The following HERC6 variants were observed in gnomAD, a reference collection of about 807,000 sequenced individuals.
HERC6 encodes the protein probable E3 ubiquitin-protein ligase HERC6.
Under a neutral mutation model 114.5 loss-of-function variants are expected in HERC6, and 101 were observed. The observed-to-expected ratio is 0.88, with a 90% confidence interval of 0.75 to 1.04. The LOEUF (loss-of-function observed/expected upper bound fraction) is 1.04. Among genes scored for constraint, HERC6 ranks in the 50% least tolerant of loss-of-function variants. The probability of loss-of-function intolerance (pLI) is 0.00; values close to 1 mark genes in which losing one functional copy is unlikely to be tolerated. For synonymous variants in HERC6, 408 were observed against 436.2 expected (o/e 0.94, Z 0.81); for missense variants, 1,133 against 1,230.9 (o/e 0.92, Z 1.19).
At chr4:88,386,912 C>G (rs762689592) in intron 3 of HERC6, among the ~76,000 whole-genome samples, 5 of 152,148 alleles carry the variant, frequency 3.3e-5, no homozygotes, top group African/African-American at 4.8e-5. Context: ...GCCAAAGTAG[C>G]ATATTTTGGT....
intron 8 of HERC6, among the ~76,000 whole-genome samples, chr4:88,403,780 A>T (rs916616406): frequency 7.9e-5 from 12 of 151,840 alleles, no homozygotes; most frequent in South Asian, 4.2e-4. Flanking sequence ...AAATAAAAAT[A>T]AAAAAAATTT....
intron 2 of HERC6, among the ~76,000 whole-genome samples, chr4:88,385,175 C>T (rs377462775): frequency 2.0e-5 from 3 of 152,120 alleles, no homozygotes; most frequent in Non-Finnish European, 4.4e-5. Context: ...AGGCCCTATA[C>T]TATATATGCA....
rs367842543 is a variant in HERC6, at chr4:88,396,045, C to T, written c.790C>T (p.Arg264Cys). 5.8e-5 allele frequency: 93 copies of T among 1,603,344 alleles called. 1 individual carries two copies. The South Asian group carries it at 5.8e-4, about 10-fold the overall frequency. ...DGKVFTFGDN[R>C]SGQLGYSPTP... ...GAAAGTGTTCACATTTGGAGACAAT[C>T]GCTCTGGACAGCTGGGATACAGCCC... The change falls in exon 6 of 23, where the codon CGC becomes TGC. Residue 264 changes from arginine (R) to cysteine (C), a missense_variant. Arg to Cys is a radical substitution (Grantham distance 180, BLOSUM62 -3). Around this residue, in one of 3 missense-constraint regions of HERC6, gnomAD observed 735 missense variants for 754.0 expected, o/e 0.97. Transcript: ENST00000264346.
chr4:88,401,906 G>C lies in HERC6; in HGVS notation c.1093-2970G>C, dbSNP rs116245992. ...CTGCACAGTTGTGCAGCTTTCTCCCGTGATGTTAGGCTGCTTCAGTTGGAT... is the reference window on the plus strand; with the variant it reads ...CTGCACAGTTGTGCAGCTTTCTCCCCTGATGTTAGGCTGCTTCAGTTGGAT... On this transcript the variant is annotated intron_variant, in intron 8 of 22. Coordinates refer to ENST00000264346, the MANE Select transcript of HERC6 (RefSeq NM_017912.4). Among the ~76,000 whole-genome samples the C allele has an allele frequency of 7.2e-5, 11 of 152,328 alleles. 1 individual carries two copies. Among genetic ancestry groups the C allele is most frequent in the African/African-American group, 2.6e-4 (11 of 41,570 alleles).
At chr4:88,417,690 G>A in intron 13 of HERC6, 111 bp downstream of exon 13, 2 of 849,644 alleles carry the variant, frequency 2.4e-6, no homozygotes, top group South Asian at 4.2e-5. Flanking sequence ...GGAGTCAAAT[G>A]TTTTTTAAAG....
At chr4:88,441,997 A>G (rs1739398750) in intron 22 of HERC6, among the ~76,000 whole-genome samples, 1 of 152,036 alleles carries the variant, frequency 6.6e-6, no homozygotes, top group Non-Finnish European at 1.5e-5. Context: ...GAGCTAAATA[A>G]ACTTCCTTCT....
chr4:88,440,113 C>T (rs756968782), intron 21 of HERC6, 35 bp from the exon 22 acceptor site: 1 of 1,600,882 alleles, frequency 6.2e-7, no homozygotes, highest in East Asian at 2.2e-5. Flanking sequence ...ATATTCCACC[C>T]CACTCAAATC....
chr4:88,380,374 TATATATATATAATATATAA>T lies in HERC6; in HGVS notation c.199+1266_199+1284del, dbSNP rs1422501070. Among the ~76,000 whole-genome samples the T allele has an allele frequency of 3.7e-4, 7 of 18,992 alleles. 1 individual carries two copies. The highest frequency in any genetic ancestry group is 1.3e-3 in the African/African-American group (3 of 2,230). The allele number at this position is 18,992 out of a possible 152,430, so 12.5% of individuals were successfully genotyped here. A position where few individuals can be genotyped will look rare whatever the true frequency, so the allele number is the denominator to read the frequency against. On this transcript the variant is annotated intron_variant, in intron 1 of 22. Coordinates refer to ENST00000264346, the MANE Select transcript of HERC6 (RefSeq NM_017912.4). ...TATAAATATATATATAATATATAAA[TATATATATATAATATATAA>T]ATATATATATATAATATATAAATAT... is the stretch of plus-strand genomic sequence containing the variant.
intron 13 of HERC6, among the ~76,000 whole-genome samples, chr4:88,420,111 T>G (rs371388013): frequency 5.3e-5 from 8 of 152,232 alleles, no homozygotes; most frequent in African/African-American, 1.9e-4. Context: ...TTTCTCACAC[T>G]AACTTTCGTT....
chr4:88,403,162 A>G (rs1735634371), intron 8 of HERC6, among the ~76,000 whole-genome samples: 1 of 152,184 alleles, frequency 6.6e-6, no homozygotes, highest in East Asian at 1.9e-4. Context: ...ATATAGAGCA[A>G]TGGTTCTCAA....
intron 8 of HERC6, 113 bp from the exon 9 acceptor site, chr4:88,404,763 T>C (rs923408861): frequency 1.3e-5 from 17 of 1,347,874 alleles, no homozygotes; most frequent in Admixed American, 8.0e-5. Context: ...CACCAAATGC[T>C]ACCACCCAAG....
At chr4:88,389,132 G>T (rs1193955432) in intron 3 of HERC6, among the ~76,000 whole-genome samples, 1 of 152,086 alleles carries the variant, frequency 6.6e-6, no homozygotes, top group Non-Finnish European at 1.5e-5. Flanking sequence ...AACCATGAAA[G>T]AATTACCCAG....
At position 88,390,733 on chromosome 4, in the gene HERC6, A is replaced by G; in HGVS notation, c.518A>G (p.Gln173Arg). Residue 173 changes from glutamine to arginine, a missense_variant, in exon 4 of 23, where the codon CAG (glutamine) becomes CGG (arginine). By Grantham distance (43) the Gln-to-Arg change is conservative. Around this residue, in one of 3 missense-constraint regions of HERC6, gnomAD observed 735 missense variants for 754.0 expected, o/e 0.97. Transcript: ENST00000264346. ...GKEFPSQASP[Q>R]RVRSLEGIPL... Reference sequence around the variant, plus strand: ...GAGTTCCCCTCCCAAGCCAGCCCGCAGAGGGTGAGGTCCCTGGAGGGGATC... The same window carrying G: ...GAGTTCCCCTCCCAAGCCAGCCCGCGGAGGGTGAGGTCCCTGGAGGGGATC... 1 of 1,614,152 alleles carries G rather than the reference A, an allele frequency of 6.2e-7. No individual in the cohort carries two copies. Among genetic ancestry groups the G allele is most frequent in the Non-Finnish European group, 8.5e-7 (1 of 1,180,012 alleles).
At chr4:88,401,615 T>C (rs951022678) in intron 8 of HERC6, among the ~76,000 whole-genome samples, 5 of 152,204 alleles carry the variant, frequency 3.3e-5, no homozygotes, top group Non-Finnish European at 5.9e-5. Context: ...GATGTGTTTA[T>C]TCTGCTGTAA....
rs1734534555 is a variant in HERC6, at chr4:88,385,655, A to G, written c.436+80A>G. The G allele has an allele frequency of 8.9e-6, 6 of 675,932 alleles. No individual in the cohort carries two copies. The South Asian group carries it at 1.2e-4, about 13-fold the overall frequency. The allele number at this position is 675,932 out of a possible 1,614,324, so 41.9% of individuals were successfully genotyped here. A position where few individuals can be genotyped will look rare whatever the true frequency, so the allele number is the denominator to read the frequency against. On this transcript the variant is annotated intron_variant, in intron 3 of 22. Transcript: ENST00000264346. ...AATTATAGCTGCTGATTTTTAATGCACTGGGGTTCATTTAGAAGTTTTTCA... is the reference window on the plus strand; with the variant it reads ...AATTATAGCTGCTGATTTTTAATGCGCTGGGGTTCATTTAGAAGTTTTTCA...
At chr4:88,388,638 C>T (rs1195014579) in intron 3 of HERC6, among the ~76,000 whole-genome samples, 1 of 151,660 alleles carries the variant, frequency 6.6e-6, no homozygotes, top group Non-Finnish European at 1.5e-5. Flanking sequence ...AGAGCAATTA[C>T]CCCAATGCTC....
At chr4:88,440,108 C>T (rs1341907075) in intron 21 of HERC6, 40 bp from the exon 22 acceptor site, 2 of 1,601,192 alleles carry the variant, frequency 1.2e-6, no homozygotes, top group African/African-American at 2.7e-5. Context: ...TCTATATATT[C>T]CACCCCACTC....
chr4:88,440,801 T>C (rs973700246), intron 22 of HERC6, among the ~76,000 whole-genome samples: 5 of 152,200 alleles, frequency 3.3e-5, no homozygotes, highest in Admixed American at 3.3e-4. Flanking sequence ...AGCCTTCTTA[T>C]CTATGTTTGC....
chr4:88,431,785 C>T (rs1738246369), intron 17 of HERC6, among the ~76,000 whole-genome samples: 1 of 152,144 alleles, frequency 6.6e-6, no homozygotes, highest in African/African-American at 2.4e-5. Context: ...GCCATGTTGG[C>T]CAGGCTGGTC....
Sources: allele counts gnomAD v4.1 joint callset (sites outside exome capture counted in the v4.1 genomes callset), GRCh38; gene constraint gnomAD v4.1.1; regional missense constraint gnomAD v4.1.1; transcripts MANE v1.5; gene names NCBI Gene and HGNC (gene_info 2026-07-23, HGNC 2026-07-21).